The following SOX6 variants were observed in gnomAD, a reference collection of about 807,000 sequenced individuals.
The protein encoded by SOX6 is transcription factor SOX-6.
In SOX6, 11 loss-of-function variants were observed where a neutral mutation model predicts 97.8. That is an observed-to-expected ratio of 0.11 (90% CI 0.07 to 0.19). The LOEUF (loss-of-function observed/expected upper bound fraction) is 0.19, where lower values mean the gene tolerates loss of function less well. Among genes scored for constraint, SOX6 ranks in the 10% least tolerant of loss-of-function variants. The pLI is 1.00. For missense variants in SOX6, 810 were observed against 1,039.5 expected (o/e 0.78, Z 3.04); for synonymous variants, 360 against 371.4 (o/e 0.97, Z 0.35).
At chr11:16,303,609 T>C (rs546264611) in intron 3 of SOX6, among the ~76,000 whole-genome samples, 59 of 152,216 alleles carry the variant, frequency 3.9e-4, no homozygotes, top group African/African-American at 1.1e-3. Flanking sequence ...TTCTAGAATA[T>C]GATCCTTTCT....
chr11:16,268,728 G>A (rs1435309034), intron 3 of SOX6, among the ~76,000 whole-genome samples: 1 of 150,830 alleles, frequency 6.6e-6, no homozygotes, highest in Non-Finnish European at 1.5e-5. Context: ...TTTGTTTTTT[G>A]AATTGTCTAT....
At chr11:16,394,786 T>C (rs1296981285) in intron 1 of SOX6, among the ~76,000 whole-genome samples, 2 of 151,810 alleles carry the variant, frequency 1.3e-5, no homozygotes, top group East Asian at 1.9e-4. Context: ...GAGCCCATTA[T>C]AGCATTTCCA....
chr11:16,265,661 T>C (rs1438315736), intron 3 of SOX6, among the ~76,000 whole-genome samples: 1 of 151,774 alleles, frequency 6.6e-6, no homozygotes, highest in Non-Finnish European at 1.5e-5. Context: ...AACAAAGACA[T>C]TAAAAGAGTT....
chr11:16,080,045 AAAAGACTG>A (rs1007134183), intron 9 of SOX6, among the ~76,000 whole-genome samples: 5 of 150,326 alleles, frequency 3.3e-5, no homozygotes, highest in African/African-American at 1.3e-4. Context: ...CAGTTAATAT[AAAAGACTG>A]AAAATTGCAC....
chr11:16,070,038 CCAG>C (rs1173182057), intron 9 of SOX6, among the ~76,000 whole-genome samples: 3 of 152,062 alleles, frequency 2.0e-5, no homozygotes, highest in Non-Finnish European at 4.4e-5. Context: ...GCCTGTAGTC[CCAG>C]CTACTCGGGA....
At chr11:16,412,755 A>G (rs1213745660) in intron 1 of SOX6, among the ~76,000 whole-genome samples, 1 of 152,224 alleles carries the variant, frequency 6.6e-6, no homozygotes, top group Non-Finnish European at 1.5e-5. Context: ...TCTCTCAGGC[A>G]GGCTCTCCCC....
At chr11:16,103,892 G>A (rs1362121900) in intron 7 of SOX6, among the ~76,000 whole-genome samples, 1 of 151,688 alleles carries the variant, frequency 6.6e-6, no homozygotes, top group Non-Finnish European at 1.5e-5. Context: ...GGGATAGCGA[G>A]GTATAAAAGA....
intron 4 of SOX6, among the ~76,000 whole-genome samples, chr11:16,223,002 GC>G (rs2134159915): frequency 6.6e-6 from 1 of 152,074 alleles, no homozygotes; most frequent in African/African-American, 2.4e-5. Context: ...TTAAAAATCA[GC>G]CCCACCCTAA....
At chr11:16,196,651 T>C (rs918082386) in intron 4 of SOX6, among the ~76,000 whole-genome samples, 7 of 151,898 alleles carry the variant, frequency 4.6e-5, no homozygotes, top group Admixed American at 3.3e-4. Flanking sequence ...ATACTCACTG[T>C]CATACTCTTT....
rs891325910 is a variant in SOX6 at position 16,356,369 on chromosome 11, T to C, written c.-280A>G. Among the ~76,000 whole-genome samples, 4 of 152,006 alleles carry C rather than the reference T, an allele frequency of 2.6e-5. No individual in the cohort carries two copies. Among genetic ancestry groups the C allele is most frequent in the African/African-American group, 9.7e-5 (4 of 41,426 alleles). On this transcript the variant is annotated 5_prime_UTR_variant, in exon 1 of 16. Transcript: ENST00000683767. ...ATTAAAGGAGTTAAAAACATAAAAG[T>C]AAATGAAAGAAGTGAAATCTCTTGG...
intron 3 of SOX6, among the ~76,000 whole-genome samples, chr11:16,647,164 T>A (rs1849027558): frequency 6.6e-6 from 1 of 152,180 alleles, no homozygotes; most frequent in Admixed American, 6.5e-5. Context: ...ATTGTGAGGC[T>A]TTTCACCCAC....
intron 10 of SOX6, 128 bp from the exon 11 acceptor site, chr11:16,050,066 G>T: frequency 1.1e-6 from 1 of 945,538 alleles, no homozygotes; most frequent in African/African-American, 1.6e-5. Flanking sequence ...AACAAAAGAA[G>T]CTAATTATCT....
At chr11:16,628,338 T>C (rs193184998) in intron 3 of SOX6, among the ~76,000 whole-genome samples, 36 of 152,200 alleles carry the variant, frequency 2.4e-4, no homozygotes, top group African/African-American at 7.9e-4. Context: ...AAAAATGACA[T>C]TGGGGCCGGG....
At chr11:16,454,371 C>T (rs1013263838) in intron 1 of SOX6, among the ~76,000 whole-genome samples, 1 of 151,970 alleles carries the variant, frequency 6.6e-6, no homozygotes, top group South Asian at 2.1e-4. Context: ...TAAAGCCATC[C>T]CAAAAAAGTC....
At chr11:16,528,479 T>C (rs996832781) in intron 4 of SOX6, among the ~76,000 whole-genome samples, 1 of 152,082 alleles carries the variant, frequency 6.6e-6, no homozygotes. Context: ...CCAAAGCATT[T>C]GCTCTTACTT....
chr11:16,243,043 C>A (rs1359077943), intron 3 of SOX6, among the ~76,000 whole-genome samples: 1 of 151,942 alleles, frequency 6.6e-6, no homozygotes, highest in Non-Finnish European at 1.5e-5. Context: ...TGTCTCCCCA[C>A]TTTTTGACTT....
Position 16,224,391 on chromosome 11 carries a change from T to C in SOX6, c.535+10191A>G, listed in dbSNP as rs72867954. ...TTCAACTGATCTTTTCCCCAACATA[T>C]TGATTTCTTTTAATCCCAACAGTTA... On this transcript the variant is annotated intron_variant, in intron 4 of 15. Coordinates refer to ENST00000683767, the MANE Select transcript of SOX6 (RefSeq NM_001367873.1). Among the ~76,000 whole-genome samples, 1,500 of 152,180 alleles carry C rather than the reference T, an allele frequency of 9.9e-3. 12 individuals are homozygous for C. Among genetic ancestry groups the C allele is most frequent in the Non-Finnish European group, 0.018 (1,215 of 67,930 alleles).
chr11:16,353,113 G>A (rs778296993), intron 1 of SOX6, among the ~76,000 whole-genome samples: 36 of 152,052 alleles, frequency 2.4e-4, no homozygotes, highest in South Asian at 2.1e-4. Context: ...GTCACTGCCC[G>A]TTTATTTCAA....
chr11:16,220,218 T>C (rs1381354188), intron 4 of SOX6, among the ~76,000 whole-genome samples: 1 of 151,944 alleles, frequency 6.6e-6, no homozygotes, highest in Non-Finnish European at 1.5e-5. Flanking sequence ...GAATAACCCA[T>C]TTTAACAGGA....
Sources: allele counts gnomAD v4.1 joint callset (sites outside exome capture counted in the v4.1 genomes callset), GRCh38; gene constraint gnomAD v4.1.1; transcripts MANE v1.5; gene names NCBI Gene and HGNC (gene_info 2026-07-23, HGNC 2026-07-21).